Variants in AP2A2 observed in about 807,000 individuals in gnomAD.
The protein encoded by AP2A2 is AP-2 complex subunit alpha-2.
A neutral mutation model predicts 104.2 loss-of-function variants in AP2A2; 32 were observed. The observed-to-expected ratio is 0.31, with a 90% CI of 0.23 to 0.41. The LOEUF (loss-of-function observed/expected upper bound fraction) is 0.41. AP2A2 is among the 10% of genes least tolerant of loss of function. The pLI is 1.00. For synonymous variants in AP2A2, 539 were observed against 533.3 expected, an observed-to-expected ratio of 1.01 and a Z score of -0.15; for missense variants, 912 against 1,261.0, an observed-to-expected ratio of 0.72 and a Z score of 4.19.
intron 8 of AP2A2, 104 bp from the exon 9 acceptor site, chr11:986,681 G>A: frequency 1.4e-6 from 2 of 1,386,146 alleles, no homozygotes; most frequent in Non-Finnish European, 2.0e-6. Context: ...AGTGCCGTGT[G>A]ACTTTGCTGT....
intron 1 of AP2A2, among the ~76,000 whole-genome samples, chr11:931,461 C>T (rs964144867): frequency 6.6e-6 from 1 of 152,144 alleles, no homozygotes; most frequent in African/African-American, 2.4e-5. Flanking sequence ...GAATTGACTG[C>T]AAAACAATCA....
intron 15 of AP2A2, among the ~76,000 whole-genome samples, chr11:1,003,088 C>A (rs991800095): frequency 6.6e-5 from 10 of 152,250 alleles, no homozygotes; most frequent in Non-Finnish European, 1.5e-5. Context: ...GAGAGAAACA[C>A]AAATGAAAGC....
intron 8 of AP2A2, among the ~76,000 whole-genome samples, chr11:986,338 T>G (rs1855454904): frequency 6.6e-6 from 1 of 152,192 alleles, no homozygotes. Flanking sequence ...TGGAGAAAGC[T>G]CTGTTGTTAT....
At chr11:952,014 A>G (rs529119678) in intron 1 of AP2A2, among the ~76,000 whole-genome samples, 2 of 152,162 alleles carry the variant, frequency 1.3e-5, no homozygotes, top group South Asian at 4.2e-4. Context: ...GACCACAGGC[A>G]TGCACCACCA....
chr11:952,442 A>G (rs1405410349), intron 1 of AP2A2, among the ~76,000 whole-genome samples: 4 of 152,226 alleles, frequency 2.6e-5, no homozygotes, highest in South Asian at 2.1e-4. Flanking sequence ...GCCTGCCCCT[A>G]TAGAGTGTGT....
rs981171977 is a variant in AP2A2, at chr11:968,453, C to T, written c.137-1716C>T. On this transcript the variant is annotated intron_variant, in intron 2 of 21. Transcript: ENST00000448903. The surrounding 1 kb of genome is among the most constrained non-coding windows in gnomAD (Gnocchi z 4.2). ...CTGTTCCCATCCCCGTCTCCATCCC[C>T]GTCCCCATCCCTGTCCCACAAAACT... Among the ~76,000 whole-genome samples the T allele has an allele frequency of 5.7e-5, 8 of 141,446 alleles. 1 individual carries two copies. In the East Asian group the frequency reaches 8.0e-4, roughly 14 times the overall value. 92.8% of individuals were successfully genotyped at this position (141,446 alleles called of 152,430 possible).
chr11:926,169 C>T (rs868520314), intron 1 of AP2A2, 81 bp downstream of exon 1: 4 of 1,018,750 alleles, frequency 3.9e-6, no homozygotes, highest in Non-Finnish European at 5.0e-6. Flanking sequence ...CGGGGCGGGG[C>T]CTCGAGGCGG....
intron 1 of AP2A2, among the ~76,000 whole-genome samples, chr11:926,582 C>T (rs1853128372): frequency 6.6e-6 from 1 of 152,168 alleles, no homozygotes; most frequent in Non-Finnish European, 1.5e-5. Context: ...CAGCGTTTTC[C>T]AAAACGGCGT....
chr11:930,320 C>T (rs1479829801), intron 1 of AP2A2, among the ~76,000 whole-genome samples: 2 of 152,066 alleles, frequency 1.3e-5, no homozygotes, highest in Non-Finnish European at 1.5e-5. Context: ...AGCTCTGCCC[C>T]TCAAAGTTGT....
intron 14 of AP2A2, among the ~76,000 whole-genome samples, chr11:999,673 A>G (rs1855964382): frequency 1.3e-5 from 2 of 152,166 alleles, no homozygotes; most frequent in African/African-American, 4.8e-5. Context: ...TAGACTTTTA[A>G]TGATTAATAA....
At chr11:1,003,885 A>G (rs1441541042) in intron 16 of AP2A2, 81 bp downstream of exon 16, 1 of 908,362 alleles carries the variant, frequency 1.1e-6, no homozygotes, top group African/African-American at 1.7e-5. Flanking sequence ...TCATATACTT[A>G]TAAGGGATAG....
rs200848815 is a variant in AP2A2 at position 993,757 on chromosome 11, G to A, written c.1554G>A (p.Pro518=). The change falls in exon 13 of 22, where the codon CCG becomes CCA. Residue 518 remains proline (P), a synonymous_variant. Coordinates refer to ENST00000448903, the MANE Select transcript of AP2A2 (RefSeq NM_012305.4). This position sits in a 1 kb window ranked among gnomAD's most constrained non-coding sequence, Gnocchi z 8.2. Reference sequence around the variant, plus strand: ...TGTTGTGCCTCCCCGTCCCCAGCCCGCTGATCCAGTTCCACCTGCTGCACT... The same window carrying A: ...TGTTGTGCCTCCCCGTCCCCAGCCCACTGATCCAGTTCCACCTGCTGCACT... The part of the protein sequence containing the change: ...NLIAGDPRSS[P]LIQFHLLHSK... 4.4e-5 allele frequency: 70 copies of A among 1,590,040 alleles called. 1 individual carries two copies. Among genetic ancestry groups the A allele is most frequent in the Admixed American group, 1.7e-4 (10 of 57,562 alleles).
At chr11:953,024 C>T (rs915664703) in intron 1 of AP2A2, among the ~76,000 whole-genome samples, 2 of 152,202 alleles carry the variant, frequency 1.3e-5, no homozygotes, top group African/African-American at 4.8e-5. Context: ...TCCGTCATGA[C>T]TGCAGGGGTG....
chr11:1,006,743 A>G, intron 17 of AP2A2, 126 bp downstream of exon 17: 1 of 729,402 alleles, frequency 1.4e-6, no homozygotes, highest in South Asian at 1.8e-5. Context: ...ATGCTATATG[A>G]AAATCAGGCA....
At chr11:981,050 T>G in intron 5 of AP2A2, 148 bp from the exon 6 acceptor site, 3 of 606,896 alleles carry the variant, frequency 4.9e-6, no homozygotes, top group East Asian at 2.8e-5. Flanking sequence ...TGGGAGAACA[T>G]TGTAGGTTTC....
intron 1 of AP2A2, among the ~76,000 whole-genome samples, chr11:948,070 A>T (rs976846697): frequency 5.9e-5 from 9 of 152,228 alleles, no homozygotes; most frequent in Admixed American, 3.3e-4. Flanking sequence ...ACATTAAAAA[A>T]GATCTCAAAT....
At chr11:998,310 C>T (rs1165519627) in intron 14 of AP2A2, among the ~76,000 whole-genome samples, 1 of 151,686 alleles carries the variant, frequency 6.6e-6, no homozygotes. Context: ...CCCCAATCCC[C>T]ATTCTGACTC....
chr11:999,917 C>A (rs1427395501), intron 14 of AP2A2, among the ~76,000 whole-genome samples: 1 of 151,650 alleles, frequency 6.6e-6, no homozygotes, highest in African/African-American at 2.4e-5. Context: ...CATTCTCCTG[C>A]CTCAGCCTCC....
chr11:937,492 C>T (rs1853497584), intron 1 of AP2A2, among the ~76,000 whole-genome samples: 2 of 152,086 alleles, frequency 1.3e-5, no homozygotes, highest in African/African-American at 2.4e-5. Flanking sequence ...CCTGTAATTC[C>T]AGCACTTTGG....
Sources: allele counts gnomAD v4.1 joint callset (sites outside exome capture counted in the v4.1 genomes callset), GRCh38; gene constraint gnomAD v4.1.1; non-coding constraint Gnocchi (gnomAD v3.1); transcripts MANE v1.5; gene names NCBI Gene and HGNC (gene_info 2026-07-23, HGNC 2026-07-21).